The following TMEM106B variants were observed in gnomAD, a reference collection of about 807,000 sequenced individuals.
The protein encoded by TMEM106B is transmembrane protein 106B.
TMEM106B carries 15 observed loss-of-function variants against 31.1 expected under a neutral mutation model. The ratio of observed to expected loss-of-function variants is 0.48; its 90% CI spans 0.32 to 0.74. The LOEUF is 0.74. Among genes scored for constraint, TMEM106B ranks in the 30% least tolerant of loss-of-function variants. TMEM106B has a pLI of 0.03. For missense variants in TMEM106B, 283 were observed against 327.3 expected (o/e 0.86, Z 1.04); for synonymous variants, 126 against 112.5 (o/e 1.12, Z -0.76).
intron 6 of TMEM106B, 76 bp from the exon 7 acceptor site, chr7:12,230,986 C>A: frequency 2.0e-6 from 2 of 1,021,148 alleles, no homozygotes; most frequent in South Asian, 1.6e-5. Context: ...TCTCTGTTAG[C>A]TTTAAGATAG....
In TMEM106B at chr7:12,242,379, C is replaced by CAAAAAAAAAAAAAA. The variant is rs1169765784; in HGVS notation, c.*10419_*10432dup. ...TGGGCGACAGAGCGAGACTCCGTCT[C>CAAAAAAAAAAAAAA]AAAAAAAAAAAAAAAAAAAAAAAAA... On this transcript the variant is annotated 3_prime_UTR_variant, in exon 8 of 8. Transcript: ENST00000396668. The CAAAAAAAAAAAAAA allele has an allele frequency of 4.3e-4, 5 of 11,660 alleles. 2 individuals are homozygous for CAAAAAAAAAAAAAA. Among genetic ancestry groups the CAAAAAAAAAAAAAA allele is most frequent in the African/African-American group, 1.8e-3 (2 of 1,116 alleles). The allele number at this position is 11,660 out of a possible 1,614,324, so 0.7% of individuals were successfully genotyped here. A position where few individuals can be genotyped will look rare whatever the true frequency, so the allele number is the denominator to read the frequency against.
rs927183975 is a variant in TMEM106B at position 12,239,957 on chromosome 7, G to A, written c.*7982G>A. The A allele has an allele frequency of 1.8e-4, 27 of 152,188 alleles. No homozygotes were observed. Among genetic ancestry groups the A allele is most frequent in the Admixed American group, 1.4e-3 (22 of 15,286 alleles). The allele number at this position is 152,188 out of a possible 1,614,324, so 9.4% of individuals were successfully genotyped here. A position where few individuals can be genotyped will look rare whatever the true frequency, so the allele number is the denominator to read the frequency against. On this transcript the variant is annotated 3_prime_UTR_variant, in exon 8 of 8. Transcript: ENST00000396668. ...GGCACTCATAGACTTGTTGGACACA[G>A]GATTGAAAGAAACCAATTCATCAAA... is the stretch of plus-strand genomic sequence containing the variant.
At chr7:12,217,854 T>C (rs1162960721) in intron 2 of TMEM106B, among the ~76,000 whole-genome samples, 1 of 152,146 alleles carries the variant, frequency 6.6e-6, no homozygotes, top group Non-Finnish European at 1.5e-5. Context: ...TAAAGGTCCA[T>C]TTATCCTTTA....
intron 6 of TMEM106B, chr7:12,230,725 TA>T: frequency 3.3e-6 from 1 of 305,666 alleles, no homozygotes; most frequent in South Asian, 9.8e-5. Context: ...TATGTTAAAA[TA>T]ATTATAAATT....
chr7:12,218,302 C>T (rs956423291), intron 2 of TMEM106B, among the ~76,000 whole-genome samples, 156 bp from the exon 3 acceptor site: 4 of 147,574 alleles, frequency 2.7e-5, no homozygotes, highest in Non-Finnish European at 4.5e-5. Flanking sequence ...TTCTCTAGAA[C>T]TTCTGCTGGA....
chr7:12,227,010 A>T lies in TMEM106B; in HGVS notation c.441+2625A>T, dbSNP rs186631913. Reference sequence around the variant, plus strand: ...ATAAATATGTACTAATAAATAATAAAAAACCCTGTGATGTTTTCTTTTAAG... The same window carrying T: ...ATAAATATGTACTAATAAATAATAATAAACCCTGTGATGTTTTCTTTTAAG... On this transcript the variant is annotated intron_variant, in intron 4 of 7. Coordinates refer to ENST00000396668, the MANE Select transcript of TMEM106B (RefSeq NM_001134232.2). 6.8e-4 allele frequency among the ~76,000 whole-genome samples: 104 copies of T among 152,176 alleles called. 1 individual carries two copies. The East Asian group carries it at 0.017, about 25-fold the overall frequency.
intron 7 of TMEM106B, 36 bp downstream of exon 7, chr7:12,231,151 G>T (rs745750844): frequency 8.0e-6 from 12 of 1,492,078 alleles, no homozygotes; most frequent in Admixed American, 1.9e-5. Flanking sequence ...GATTTTGCTT[G>T]TTAACATTTT....
chr7:12,217,518 T>C (rs1405271221), intron 2 of TMEM106B, among the ~76,000 whole-genome samples: 1 of 152,194 alleles, frequency 6.6e-6, no homozygotes, highest in Non-Finnish European at 1.5e-5. Context: ...TGTAGTTGTG[T>C]GTTTTTCTGT....
chr7:12,239,153 T>C lies in TMEM106B; in HGVS notation c.*7178T>C, dbSNP rs917306141. On this transcript the variant is annotated 3_prime_UTR_variant, in exon 8 of 8. Coordinates refer to ENST00000396668, the MANE Select transcript of TMEM106B (RefSeq NM_001134232.2). Reference sequence around the variant, plus strand: ...CTTACTGCAGGTTCTCCATCAGCACTTACTGCTTCACCTTGCACTTTTATA... The same window carrying C: ...CTTACTGCAGGTTCTCCATCAGCACCTACTGCTTCACCTTGCACTTTTATA... 4 of 152,210 alleles carry C rather than the reference T, an allele frequency of 2.6e-5. No individual in the cohort carries two copies. The highest frequency in any genetic ancestry group is 9.6e-5 in the African/African-American group (4 of 41,460). 9.4% of individuals were successfully genotyped at this position (152,210 alleles called of 1,614,324 possible).
At chr7:12,222,874 A>G (rs1203478291) in intron 3 of TMEM106B, among the ~76,000 whole-genome samples, 1 of 152,226 alleles carries the variant, frequency 6.6e-6, no homozygotes, top group East Asian at 1.9e-4. Context: ...TATCTGCAGG[A>G]GGCACTTTAA....
chr7:12,230,433 T>C lies in TMEM106B; in HGVS notation c.627T>C (p.Tyr209=), dbSNP rs142177964. ...CCGTTATAGCAGAGGAAATGAGTTATATGTAGTAAGTTCTGATTTATAATA... is the reference window on the plus strand; with the variant it reads ...CCGTTATAGCAGAGGAAATGAGTTACATGTAGTAAGTTCTGATTTATAATA... ...VPTVIAEEMS[Y]MYDFCTLISI... Residue 209 remains tyrosine, a synonymous_variant, in exon 6 of 8, where the codon TAT becomes TAC. Coordinates refer to ENST00000396668, the MANE Select transcript of TMEM106B (RefSeq NM_001134232.2). 59 of 1,586,022 alleles carry C rather than the reference T, an allele frequency of 3.7e-5. 1 individual carries two copies. The African/African-American group carries it at 5.9e-4, about 16-fold the overall frequency.
Position 12,237,414 on chromosome 7 carries a change from T to A in TMEM106B, c.*5439T>A, listed in dbSNP as rs1166512047. 1 of 152,120 alleles carries A rather than the reference T, an allele frequency of 6.6e-6. No homozygotes were observed. The highest frequency in any genetic ancestry group is 1.5e-5 in the Non-Finnish European group (1 of 68,022). 9.4% of individuals were successfully genotyped at this position (152,120 alleles called of 1,614,324 possible). A position where few individuals can be genotyped will look rare whatever the true frequency, so the allele number is the denominator to read the frequency against. On this transcript the variant is annotated 3_prime_UTR_variant, in exon 8 of 8. Coordinates refer to ENST00000396668, the MANE Select transcript of TMEM106B (RefSeq NM_001134232.2). ...ATTTCTTTTTTTCATTCACTTAACT[T>A]CCAATCAGTACTCAAGCTTTATCCA...
At chr7:12,228,020 A>G (rs1781936678) in intron 4 of TMEM106B, among the ~76,000 whole-genome samples, 1 of 151,920 alleles carries the variant, frequency 6.6e-6, no homozygotes, top group South Asian at 2.1e-4. Context: ...TCTTATCAGA[A>G]GATCCATTGA....
rs774458774 is a variant in TMEM106B at position 12,228,350 on chromosome 7, T to G, written c.442-1329T>G. Among the ~76,000 whole-genome samples, 7 of 151,906 alleles carry G rather than the reference T, an allele frequency of 4.6e-5. 1 individual carries two copies. Among genetic ancestry groups the G allele is most frequent in the South Asian group, 4.1e-4 (2 of 4,830 alleles). On this transcript the variant is annotated intron_variant, in intron 4 of 7. Transcript: ENST00000396668. ...ATTTATGTATACTCACATATTCAGC[T>G]TTATAAAAATCAGTATTTTTAAAAA...
intron 2 of TMEM106B, among the ~76,000 whole-genome samples, chr7:12,216,645 T>A (rs1562703040): frequency 6.6e-6 from 1 of 152,096 alleles, no homozygotes; most frequent in South Asian, 2.1e-4. Flanking sequence ...TGAGACACTG[T>A]AGCATATCAA....
At position 12,229,791 on chromosome 7, in the gene TMEM106B, C is replaced by A. The variant is rs3173615; in HGVS notation, c.554C>A (p.Thr185Asn). ...VIGKARLNNI[T>N]IIGPLDMKQI... ...GGAAAGGCACGCTTAAACAACATAA[C>A]CATTATTGGTCCACTTGATATGAAA... Residue 185 changes from threonine to asparagine, a missense_variant, in exon 5 of 8, where the codon ACC (threonine) becomes AAC (asparagine). Transcript: ENST00000396668. 6.8e-6 allele frequency: 11 copies of A among 1,608,186 alleles called. No homozygotes were observed. Among genetic ancestry groups the A allele is most frequent in the Non-Finnish European group, 9.3e-6 (11 of 1,178,118 alleles).
intron 2 of TMEM106B, among the ~76,000 whole-genome samples, chr7:12,217,957 G>A (rs748631866): frequency 6.6e-6 from 1 of 152,126 alleles, no homozygotes; most frequent in East Asian, 1.9e-4. Context: ...GGCCCTGGAA[G>A]GCTCATTATG....
At position 12,239,857 on chromosome 7, in the gene TMEM106B, GA is replaced by G. The variant is rs1169256799; in HGVS notation, c.*7885del. 1 of 151,908 alleles carries G rather than the reference GA, an allele frequency of 6.6e-6. No individual in the cohort carries two copies. Among genetic ancestry groups the G allele is most frequent in the Non-Finnish European group, 1.5e-5 (1 of 67,964 alleles). 9.4% of individuals were successfully genotyped at this position (151,908 alleles called of 1,614,324 possible). On this transcript the variant is annotated 3_prime_UTR_variant, in exon 8 of 8. Transcript: ENST00000396668. The stretch of plus-strand genomic sequence containing the variant: ...CATTAAAATAGGTTTAATAATAATG[GA>G]AACATTTGAAATATTGCAAAAATTA...
Position 12,231,875 on chromosome 7 carries a change from A to T in TMEM106B, c.725A>T (p.Gln242Leu), listed in dbSNP as rs1237264670. The change falls in exon 8 of 8, where the codon CAG becomes CTG. Residue 242 changes from glutamine to leucine, a missense_variant. By Grantham distance (113) the Gln-to-Leu change is moderately radical. This residue lies in a region of TMEM106B where 201 missense variants were observed against 211.5 expected (regional missense o/e 0.95). Coordinates refer to ENST00000396668, the MANE Select transcript of TMEM106B (RefSeq NM_001134232.2). ...ACAACATACTTTGGCCACTCTGAACAGATATCCCAGGAGAGGTATCAGTAT... is the reference window on the plus strand; with the variant it reads ...ACAACATACTTTGGCCACTCTGAACTGATATCCCAGGAGAGGTATCAGTAT... Reference protein sequence around the residue: ...VTTTYFGHSEQISQERYQYVD... With the variant: ...VTTTYFGHSELISQERYQYVD... 1 of 1,609,526 alleles carries T rather than the reference A, an allele frequency of 6.2e-7. No individual in the cohort carries two copies. Among genetic ancestry groups the T allele is most frequent in the Non-Finnish European group, 8.5e-7 (1 of 1,176,808 alleles).
Sources: allele counts gnomAD v4.1 joint callset (sites outside exome capture counted in the v4.1 genomes callset), GRCh38; gene constraint gnomAD v4.1.1; regional missense constraint gnomAD v4.1.1; transcripts MANE v1.5; gene names NCBI Gene and HGNC (gene_info 2026-07-23, HGNC 2026-07-21).